CRACR2A: variants seen among roughly 807,000 people sequenced by gnomAD.
CRACR2A encodes the protein calcium release activated channel regulator 2A.
CRACR2A carries 79 observed loss-of-function variants against 90.5 expected under a neutral mutation model. The ratio of observed to expected loss-of-function variants is 0.87; its 90% CI spans 0.73 to 1.05. The LOEUF (loss-of-function observed/expected upper bound fraction) is 1.05, where lower values mean the gene tolerates loss of function less well. Among genes scored for constraint, CRACR2A ranks in the 50% least tolerant of loss-of-function variants. CRACR2A has a pLI of 0.00. For missense variants in CRACR2A, 823 were observed against 897.2 expected (o/e 0.92, Z 1.06); for synonymous variants, 338 against 356.7 (o/e 0.95, Z 0.59).
In CRACR2A at chr12:3,654,213, TCTC is replaced by T. The variant is rs770744722; in HGVS notation, c.1042_1044del (p.Glu348del). On this transcript the variant is annotated inframe_deletion and splice_region_variant, in exon 10 of 20. Transcript: ENST00000440314. ...GGAGTGGACAAAGGCTGGACTCACA[TCTC>T]CTTCTCTTGGTGGAGTTTGCAGGCC... 5.0e-6 allele frequency: 8 copies of T among 1,611,290 alleles called. No individual in the cohort carries two copies. The highest frequency in any genetic ancestry group is 4.0e-5 in the African/African-American group (3 of 74,774).
chr12:3,701,675 A>G (rs990511038), intron 3 of CRACR2A, among the ~76,000 whole-genome samples: 2 of 152,172 alleles, frequency 1.3e-5, no homozygotes, highest in Admixed American at 6.5e-5. Flanking sequence ...CTGATAGTTA[A>G]ACAAAAAATC....
At chr12:3,624,609 G>C (rs1361314341) in intron 17 of CRACR2A, among the ~76,000 whole-genome samples, 3 of 152,158 alleles carry the variant, frequency 2.0e-5, no homozygotes, top group Admixed American at 6.5e-5. Context: ...GCATTGCCTG[G>C]TCTATCATAC....
In CRACR2A at chr12:3,627,560, A is replaced by G; in HGVS notation, c.1818-10T>C. The G allele has an allele frequency of 6.4e-7, 1 of 1,551,662 alleles. No homozygotes were observed. The highest frequency in any genetic ancestry group is 1.4e-5 in the African/African-American group (1 of 73,160). On this transcript the variant is annotated splice_polypyrimidine_tract_variant and intron_variant, in intron 16 of 19. Coordinates refer to ENST00000440314, the MANE Select transcript of CRACR2A (RefSeq NM_001144958.2). The stretch of plus-strand genomic sequence containing the variant: ...GGTGATGCACCGGTACCTGCCACAG[A>G]AGGGCCACGGGTCAGGCATGCACGG...
chr12:3,633,252 C>T lies in CRACR2A; in HGVS notation c.1735+352G>A, dbSNP rs1406816020. On this transcript the variant is annotated intron_variant, in intron 15 of 19. Coordinates refer to ENST00000440314, the MANE Select transcript of CRACR2A (RefSeq NM_001144958.2). This position sits in a 1 kb window ranked among gnomAD's most constrained non-coding sequence, Gnocchi z 4.5. The stretch of plus-strand genomic sequence containing the variant: ...AGGGGGAGCAGGAAGACCCAGGACC[C>T]TGCTGACAGTGGGGAGGAGTGGTCA... 6.6e-6 allele frequency among the ~76,000 whole-genome samples: 1 copy of T among 151,960 alleles called. No homozygotes were observed. The highest frequency in any genetic ancestry group is 1.5e-5 in the Non-Finnish European group (1 of 67,982).
intron 15 of CRACR2A, among the ~76,000 whole-genome samples, chr12:3,628,177 C>T (rs1944309255): frequency 2.0e-5 from 3 of 146,482 alleles, no homozygotes; most frequent in African/African-American, 7.5e-5. Context: ...CTTTCTTTCT[C>T]TCTTTCTTTC....
intron 9 of CRACR2A, among the ~76,000 whole-genome samples, chr12:3,654,625 C>T (rs182839860): frequency 5.9e-5 from 9 of 152,316 alleles, no homozygotes; most frequent in Admixed American, 2.0e-4. Flanking sequence ...CCTGTCTCCA[C>T]ATAGGACCAC....
chr12:3,708,093 G>A (rs1945955158), intron 3 of CRACR2A, among the ~76,000 whole-genome samples: 1 of 152,074 alleles, frequency 6.6e-6, no homozygotes, highest in Non-Finnish European at 1.5e-5. Context: ...GTGTGCTTTC[G>A]CTTCTATCTT....
chr12:3,626,809 CAT>C (rs2137299984), intron 17 of CRACR2A, among the ~76,000 whole-genome samples: 1 of 151,258 alleles, frequency 6.6e-6, no homozygotes, highest in South Asian at 2.1e-4. Flanking sequence ...AAGTAGGAAT[CAT>C]AAACATAGAG....
In CRACR2A at chr12:3,656,354, C is replaced by A. The variant is rs1243136299; in HGVS notation, c.815G>T (p.Cys272Phe). ...RSQELEQKLL[C>F]KEQELEQLTQ... ...GAGCTGCTCCAGCTCCTGCTCCTTA[C>A]ATAACAGTTTCTGCTCCAGCTCTTG... The change falls in exon 9 of 20, where the codon TGT becomes TTT. Residue 272 changes from cysteine (C) to phenylalanine (F), a missense_variant. Transcript: ENST00000440314. 1.9e-6 allele frequency: 3 copies of A among 1,614,028 alleles called. No homozygotes were observed. Among genetic ancestry groups the A allele is most frequent in the African/African-American group, 2.7e-5 (2 of 74,912 alleles).
chr12:3,747,441 G>T (rs756420164), intron 1 of CRACR2A, among the ~76,000 whole-genome samples: 1 of 152,136 alleles, frequency 6.6e-6, no homozygotes, highest in Non-Finnish European at 1.5e-5. Flanking sequence ...CCTCCCTCCC[G>T]CATCAGCACC....
chr12:3,644,995 A>G (rs1281829509), intron 11 of CRACR2A, among the ~76,000 whole-genome samples: 2 of 152,134 alleles, frequency 1.3e-5, no homozygotes, highest in Non-Finnish European at 2.9e-5. Flanking sequence ...TCTGTGCACC[A>G]TTCATTCATT....
At chr12:3,682,021 A>C (rs1177311431) in intron 4 of CRACR2A, among the ~76,000 whole-genome samples, 1 of 152,250 alleles carries the variant, frequency 6.6e-6, no homozygotes, top group Non-Finnish European at 1.5e-5. Flanking sequence ...TCAACAATCC[A>C]TAAACCAGCT....
chr12:3,627,429 A>C lies in CRACR2A; in HGVS notation c.1932+7T>G. 1 of 1,550,350 alleles carries C rather than the reference A, an allele frequency of 6.5e-7. No homozygotes were observed. Among genetic ancestry groups the C allele is most frequent in the South Asian group, 1.2e-5 (1 of 84,032 alleles). ...CCTAAATGCTCCTAGGAAGGTCGCC[A>C]GCTCACCTCCACGCTGCTCAGCCAC... On this transcript the variant is annotated splice_region_variant and intron_variant, in intron 17 of 19. Coordinates refer to ENST00000440314, the MANE Select transcript of CRACR2A (RefSeq NM_001144958.2).
Position 3,641,829 on chromosome 12 carries a change from C to CCTTATTTTT in CRACR2A, c.1165_1173dup (p.Lys389_Lys391dup). On this transcript the variant is annotated inframe_insertion, in exon 13 of 20. Transcript: ENST00000440314. ...GAAGCAGCTGTGTTTGCCTTGGCTG[C>CCTTATTTTT]CTTATTTTTCTGTAGAAACACAAAA... 6.4e-7 allele frequency: 1 copy of CCTTATTTTT among 1,551,552 alleles called. No homozygotes were observed.
chr12:3,654,087 G>C, intron 10 of CRACR2A, 125 bp downstream of exon 10: 1 of 1,080,812 alleles, frequency 9.3e-7, no homozygotes, highest in Non-Finnish European at 1.3e-6. Context: ...GAGTCTCAGG[G>C]AGCAACAAGC....
intron 17 of CRACR2A, among the ~76,000 whole-genome samples, chr12:3,625,165 G>A (rs1257388653): frequency 1.3e-5 from 2 of 152,156 alleles, no homozygotes; most frequent in Non-Finnish European, 2.9e-5. Context: ...ATTTAACTAT[G>A]TATAGATTTG....
Position 3,751,688 on chromosome 12 carries a change from C to G in CRACR2A, c.-387+1327G>C, listed in dbSNP as rs373804943. Among the ~76,000 whole-genome samples the G allele has an allele frequency of 7.9e-5, 12 of 152,288 alleles. 1 individual carries two copies. Among genetic ancestry groups the G allele is most frequent in the East Asian group, 3.9e-4 (2 of 5,176 alleles). On this transcript the variant is annotated intron_variant, in intron 1 of 19. Coordinates refer to ENST00000440314, the MANE Select transcript of CRACR2A (RefSeq NM_001144958.2). ...AGTGCCACATCCAGGACGCCCTCTG[C>G]GAGTCACTCCTTCCAGAAGTAACCT...
intron 2 of CRACR2A, among the ~76,000 whole-genome samples, chr12:3,721,059 T>C (rs1488823720): frequency 6.6e-6 from 1 of 152,192 alleles, no homozygotes; most frequent in Non-Finnish European, 1.5e-5. Context: ...GCCAGCACTT[T>C]CTAGTGCTCA....
intron 3 of CRACR2A, among the ~76,000 whole-genome samples, chr12:3,712,940 GC>G: frequency 6.6e-6 from 1 of 152,016 alleles, no homozygotes; most frequent in Middle Eastern, 3.4e-3. Context: ...AGACCCTCGT[GC>G]CCACATGTAA....
Sources: allele counts gnomAD v4.1 joint callset (sites outside exome capture counted in the v4.1 genomes callset), GRCh38; gene constraint gnomAD v4.1.1; non-coding constraint Gnocchi (gnomAD v3.1); transcripts MANE v1.5; gene names NCBI Gene and HGNC (gene_info 2026-07-23, HGNC 2026-07-21).